TRMT2B: variants seen among roughly 807,000 people sequenced by gnomAD.
The protein encoded by TRMT2B is tRNA (uracil-5-)-methyltransferase homolog B.
In TRMT2B, 34 loss-of-function variants were observed where a neutral mutation model predicts 39.7. That is an observed-to-expected ratio of 0.86 (90% CI 0.65 to 1.14). The LOEUF (loss-of-function observed/expected upper bound fraction) is 1.14, where lower values mean the gene tolerates loss of function less well. TRMT2B is among the 50% of genes most tolerant of loss of function. The pLI, the probability that TRMT2B is intolerant of heterozygous loss-of-function variation, is 0.00. For missense variants in TRMT2B, 318 were observed against 377.2 expected, an observed-to-expected ratio of 0.84 and a Z score of 1.30; for synonymous variants, 132 against 137.3, an observed-to-expected ratio of 0.96 and a Z score of 0.27.
the TRMT2B span, chrX:100,990,690 G>C: frequency 1.1e-6 from 1 of 885,098 alleles, no homozygotes; most frequent in South Asian, 2.3e-5. Flanking sequence ...TGCTGACAAA[G>C]CTTGTGGACA....
chrX:101,004,189 G>A, the TRMT2B span, among the ~76,000 whole-genome samples: 1 of 110,675 alleles, frequency 9.0e-6, no homozygotes, highest in African/African-American at 3.3e-5. Flanking sequence ...TTTTTGTGGA[G>A]ATAGGGTTTT....
At chrX:101,044,526 G>A (rs145671153) in intron 2 of TRMT2B, among the ~76,000 whole-genome samples, 1,343 of 111,696 alleles carry the variant, frequency 0.012, 5 homozygotes, top group Non-Finnish European at 0.019. Context: ...TTCCAGACCA[G>A]CCTGGCCAAC....
chrX:101,018,983 C>T lies in TRMT2B; in HGVS notation c.1376G>A (p.Arg459Lys). ...AGTCAAGACTTACTCAATGACATTC[C>T]TAGTGGATTCACCATGGAGCTTGCA... ...VSCKLHGEST[R>K]NVIELCCPPD... The change falls in exon 13 of 14, where the codon AGG (arginine) becomes AAG (lysine). Residue 459 changes from arginine to lysine, a missense_variant. Coordinates refer to ENST00000372936, the MANE Select transcript of TRMT2B (RefSeq NM_024917.6). 1 of 1,198,529 alleles carries T rather than the reference C, an allele frequency of 8.3e-7. No homozygotes were observed. Among genetic ancestry groups the T allele is most frequent in the Non-Finnish European group, 1.1e-6 (1 of 883,479 alleles).
At chrX:101,029,612 T>A (rs1161957166) in intron 7 of TRMT2B, among the ~76,000 whole-genome samples, 2 of 111,764 alleles carry the variant, frequency 1.8e-5, no homozygotes, top group African/African-American at 6.5e-5. Flanking sequence ...CTTATTTTCT[T>A]CATTACTGTA....
At chrX:101,036,841 T>C in intron 6 of TRMT2B, 133 bp downstream of exon 6, 1 of 497,492 alleles carries the variant, frequency 2.0e-6, no homozygotes. Context: ...ATCAACCTTG[T>C]GATCACGTTC....
chrX:100,986,807 AACAAG>A, the TRMT2B span: 1 of 1,195,745 alleles, frequency 8.4e-7, no homozygotes, highest in Non-Finnish European at 1.1e-6. Context: ...TTAGCAAACA[AACAAG>A]ACAAGAAGAA....
At chrX:101,029,141 A>C (rs2087294243) in intron 7 of TRMT2B, among the ~76,000 whole-genome samples, 1 of 111,364 alleles carries the variant, frequency 9.0e-6, no homozygotes, top group African/African-American at 3.3e-5. Context: ...TCTACTGTCA[A>C]TTCCTCCAAA....
chrX:100,995,610 G>A, the TRMT2B span, among the ~76,000 whole-genome samples: 3 of 111,751 alleles, frequency 2.7e-5, no homozygotes, highest in Admixed American at 9.6e-5. Flanking sequence ...GCGATCCCAC[G>A]CTCATGCTAG....
In TRMT2B at chrX:101,047,343, T is replaced by G. The variant is rs544676102; in HGVS notation, c.-24+3908A>C. 2.7e-5 allele frequency among the ~76,000 whole-genome samples: 3 copies of G among 111,885 alleles called. No individual in the cohort carries two copies. In the South Asian group the frequency reaches 1.1e-3, roughly 41 times the overall value. On this transcript the variant is annotated intron_variant, in intron 2 of 13. Coordinates refer to ENST00000372936, the MANE Select transcript of TRMT2B (RefSeq NM_024917.6). ...GTCATGACGTGTTTAAAGACAGTAT[T>G]TAACTGAGTAGAGGTGGCAACACTG...
chrX:100,986,760 C>A, the TRMT2B span: 1 of 1,023,904 alleles, frequency 9.8e-7, no homozygotes, highest in Non-Finnish European at 1.3e-6. Context: ...TTTCACTCTT[C>A]CACTCTTTTC....
Position 101,020,589 on chromosome X carries a change from C to T in TRMT2B, c.1067-1G>A. The stretch of plus-strand genomic sequence containing the variant: ...TGAGCCAGAGAGAGGCCAATCACAC[C>T]TGAAGAAGTAAACGAGAAGAAGAAG... On this transcript the variant is annotated splice_acceptor_variant, in intron 10 of 13. Coordinates refer to ENST00000372936, the MANE Select transcript of TRMT2B (RefSeq NM_024917.6). LOFTEE classifies it high-confidence loss of function. The T allele has an allele frequency of 1.7e-6, 2 of 1,185,017 alleles. No homozygotes were observed.
rs1042368078 is a variant in TRMT2B, at chrX:101,040,938, G to A, written c.303+379C>T. Among the ~76,000 whole-genome samples, 9 of 111,742 alleles carry A rather than the reference G, an allele frequency of 8.1e-5. No homozygotes were observed. The South Asian group carries it at 1.1e-3, about 14-fold the overall frequency. ...GAACTGTCCAGTCAAGGCCCGGCGC[G>A]GTGGCTCACACCTGTAATCCCAGCA... On this transcript the variant is annotated intron_variant, in intron 4 of 13. Coordinates refer to ENST00000372936, the MANE Select transcript of TRMT2B (RefSeq NM_024917.6).
At chrX:100,988,324 C>T in the TRMT2B span, 1 of 1,204,025 alleles carries the variant, frequency 8.3e-7, no homozygotes, top group Non-Finnish European at 1.1e-6. Flanking sequence ...TGACCAATCC[C>T]TGAACACGTG....
intron 5 of TRMT2B, 94 bp downstream of exon 5, chrX:101,037,823 G>T: frequency 1.1e-6 from 1 of 906,525 alleles, no homozygotes; most frequent in Non-Finnish European, 1.5e-6. Context: ...TTTAGCATAG[G>T]GCCTGGTCCC....
At chrX:101,004,105 A>G in the TRMT2B span, among the ~76,000 whole-genome samples, 4 of 111,524 alleles carry the variant, frequency 3.6e-5, no homozygotes, top group Non-Finnish European at 7.5e-5. Context: ...AGGCTCAAGC[A>G]ATTCTTCTGC....
At chrX:101,014,936 A>G (rs2086442508) in intron 13 of TRMT2B, among the ~76,000 whole-genome samples, 1 of 110,638 alleles carries the variant, frequency 9.0e-6, no homozygotes, top group South Asian at 3.9e-4. Context: ...GCTTGATCCT[A>G]AGGGTTCAAG....
At chrX:101,026,203 T>C (rs1201459475) in intron 7 of TRMT2B, among the ~76,000 whole-genome samples, 1 of 111,463 alleles carries the variant, frequency 9.0e-6, no homozygotes, top group Admixed American at 9.6e-5. Context: ...CCTGGTGCAG[T>C]GTCTCTCGCC....
At chrX:100,984,534 A>G in the TRMT2B span, among the ~76,000 whole-genome samples, 1 of 112,316 alleles carries the variant, frequency 8.9e-6, no homozygotes, top group Non-Finnish European at 1.9e-5. Context: ...TTCAAAGGAA[A>G]ATGTGTCTAA....
rs1047936490 is a variant in TRMT2B at position 101,035,506 on chromosome X, C to T, written c.609+107G>A. ...GTATGCTTTCAGTACAGAGCCCCTC[C>T]TTCCCTCTAGCACTAGAATTGGCTC... On this transcript the variant is annotated intron_variant, in intron 7 of 13. Coordinates refer to ENST00000372936, the MANE Select transcript of TRMT2B (RefSeq NM_024917.6). 1.2e-5 allele frequency: 8 copies of T among 686,510 alleles called. No homozygotes were observed. In the South Asian group the frequency reaches 1.8e-4, roughly 15 times the overall value. 56.6% of individuals were successfully genotyped at this position (686,510 alleles called of 1,213,427 possible).
Sources: gnomAD v4.1 joint callset for allele counts (sites outside exome capture counted in the v4.1 genomes callset) on GRCh38, gnomAD v4.1.1 for gene constraint, MANE v1.5 for transcripts, NCBI Gene and HGNC (gene_info 2026-07-23, HGNC 2026-07-21) for gene names.